GPATCH8: variants seen among roughly 807,000 people sequenced by gnomAD.
The protein encoded by GPATCH8 is G-patch domain containing 8, also known as G patch domain-containing protein 8.
GPATCH8 carries 18 observed loss-of-function variants against 118.3 expected under a neutral mutation model. The observed-to-expected ratio is 0.15, with a 90% CI of 0.11 to 0.23. The LOEUF is 0.23. GPATCH8 is among the 10% of genes least tolerant of loss of function. The probability of loss-of-function intolerance (pLI) is 1.00; values close to 1 mark genes in which losing one functional copy is unlikely to be tolerated. For synonymous variants in GPATCH8, 659 were observed against 684.7 expected (o/e 0.96, Z 0.59); for missense variants, 1,631 against 1,873.8 (o/e 0.87, Z 2.39).
Position 44,503,350 on chromosome 17 carries a change from G to A in GPATCH8, c.21C>T (p.Arg7=), listed in dbSNP as rs1299886640. MADRFS[R]FNEDRDFQGN... is the part of the protein sequence containing the mutation. ...CCTGAAAGTCTCGGTCTTCGTTGAA[G>A]CGGGAGAAGCGGTCCGCCATTTTGC... The change falls in exon 1 of 8, where the codon CGC becomes CGT. Residue 7 remains arginine (R), a synonymous_variant. Coordinates refer to ENST00000591680, the MANE Select transcript of GPATCH8 (RefSeq NM_001002909.4). The A allele has an allele frequency of 6.2e-7, 1 of 1,610,628 alleles. No individual in the cohort carries two copies. Among genetic ancestry groups the A allele is most frequent in the South Asian group, 1.1e-5 (1 of 90,074 alleles).
In GPATCH8 at chr17:44,458,501, T is replaced by A. The variant is rs2051423856; in HGVS notation, c.193+5971A>T. Among the ~76,000 whole-genome samples, 2 of 152,036 alleles carry A rather than the reference T, an allele frequency of 1.3e-5. 1 individual carries two copies. Among genetic ancestry groups the A allele is most frequent in the South Asian group, 4.2e-4 (2 of 4,810 alleles). On this transcript the variant is annotated intron_variant, in intron 3 of 7. Transcript: ENST00000591680. ...TTCCCCAGTCTGTTTGTTGACTTTG[T>A]TTATGATGAAATATAGCCAAACTTA... is the stretch of plus-strand genomic sequence containing the variant.
intron 7 of GPATCH8, among the ~76,000 whole-genome samples, chr17:44,402,148 C>T (rs970357283): frequency 2.0e-5 from 3 of 151,458 alleles, no homozygotes; most frequent in Admixed American, 6.6e-5. Flanking sequence ...GGTGAAACCC[C>T]GCCTCTGCTA....
In GPATCH8 at chr17:44,397,341, G is replaced by T. The variant is rs775123608; in HGVS notation, c.*227C>A. 3.0e-6 allele frequency: 2 copies of T among 676,574 alleles called. No homozygotes were observed. The highest frequency in any genetic ancestry group is 2.7e-6 in the Non-Finnish European group (1 of 369,506). 41.9% of individuals were successfully genotyped at this position (676,574 alleles called of 1,614,324 possible). A position where few individuals can be genotyped will look rare whatever the true frequency, so the allele number is the denominator to read the frequency against. On this transcript the variant is annotated 3_prime_UTR_variant, in exon 8 of 8. Coordinates refer to ENST00000591680, the MANE Select transcript of GPATCH8 (RefSeq NM_001002909.4). ...TGGTGTTCCCTAGCTTAGAAACACA[G>T]AAGAGGGAGGGACAAATTGAGAGGA...
chr17:44,425,590 C>T (rs1019044898), intron 5 of GPATCH8, among the ~76,000 whole-genome samples: 1 of 152,150 alleles, frequency 6.6e-6, no homozygotes, highest in Admixed American at 6.5e-5. Context: ...GAGTACAGTG[C>T]AGTTCATGGC....
intron 6 of GPATCH8, 61 bp downstream of exon 6, chr17:44,424,288 A>G (rs919283214): frequency 1.0e-5 from 12 of 1,204,592 alleles, no homozygotes; most frequent in African/African-American, 4.4e-5. Flanking sequence ...ATACTCATAA[A>G]ATCCAATTGT....
intron 6 of GPATCH8, among the ~76,000 whole-genome samples, chr17:44,423,100 G>A (rs2049972329): frequency 6.6e-6 from 1 of 151,946 alleles, no homozygotes; most frequent in Non-Finnish European, 1.5e-5. Context: ...AATTAGCTGG[G>A]CATGGTGGCA....
At chr17:44,417,748 C>T (rs893906840) in intron 6 of GPATCH8, among the ~76,000 whole-genome samples, 1 of 152,100 alleles carries the variant, frequency 6.6e-6, no homozygotes, top group African/African-American at 2.4e-5. Context: ...TGGCAGGTAA[C>T]ATAATGAGTC....
At chr17:44,429,920 T>C (rs2050242639) in intron 5 of GPATCH8, among the ~76,000 whole-genome samples, 1 of 151,732 alleles carries the variant, frequency 6.6e-6, no homozygotes, top group Non-Finnish European at 1.5e-5. Flanking sequence ...TCCCAGCTAC[T>C]TGGGTGGCTA....
Position 44,401,255 on chromosome 17 carries a change from C to T in GPATCH8, c.822G>A (p.Gln274=). 2 of 1,614,060 alleles carry T rather than the reference C, an allele frequency of 1.2e-6. No individual in the cohort carries two copies. The highest frequency in any genetic ancestry group is 1.1e-5 in the South Asian group (1 of 91,078). The part of the protein sequence containing the change: ...VQITNTTGLA[Q]APGLASQGIS... Reference sequence around the variant, plus strand: ...TGCCTTGGGAGGCTAACCCAGGAGCCTGGGCCAGTCCAGTGGTATTAGTGA... The same window carrying T: ...TGCCTTGGGAGGCTAACCCAGGAGCTTGGGCCAGTCCAGTGGTATTAGTGA... The change falls in exon 8 of 8, where the codon CAG becomes CAA. Residue 274 remains glutamine, a synonymous_variant. Transcript: ENST00000591680.
intron 6 of GPATCH8, among the ~76,000 whole-genome samples, chr17:44,417,247 A>G (rs887920147): frequency 6.6e-6 from 1 of 152,176 alleles, no homozygotes; most frequent in African/African-American, 2.4e-5. Context: ...AAGCAGATGC[A>G]AACAGTTTAG....
chr17:44,419,087 A>G (rs1209875812), intron 6 of GPATCH8, among the ~76,000 whole-genome samples: 1 of 152,234 alleles, frequency 6.6e-6, no homozygotes, highest in Non-Finnish European at 1.5e-5. Flanking sequence ...ACCTTGAATG[A>G]GGGTGACCAT....
In GPATCH8 at chr17:44,397,850, G is replaced by A. The variant is rs145202285; in HGVS notation, c.4227C>T (p.Pro1409=). 42 of 1,604,656 alleles carry A rather than the reference G, an allele frequency of 2.6e-5. No individual in the cohort carries two copies. Among genetic ancestry groups the A allele is most frequent in the Non-Finnish European group, 3.5e-5 (41 of 1,173,392 alleles). The change falls in exon 8 of 8, where the codon CCC becomes CCT. Residue 1409 remains proline (P), a synonymous_variant. Transcript: ENST00000591680. The stretch of plus-strand genomic sequence containing the variant: ...AAGAAATGGGGGTCAGATGGGGCTG[G>A]GGAATATGATGCACCTGGGCAAGTG... ...PQPLAQVHHI[P]QPHLTPISLS... is the part of the protein sequence containing the mutation.
chr17:44,472,028 C>T (rs978305883), intron 2 of GPATCH8, among the ~76,000 whole-genome samples: 11 of 150,664 alleles, frequency 7.3e-5, no homozygotes, highest in Admixed American at 4.0e-4. Flanking sequence ...TCTCCCAGAT[C>T]CTGTGCCCTA....
rs1441908666 is a variant in GPATCH8 at position 44,488,008 on chromosome 17, C to T, written c.46-13105G>A. ...CGCGATCTCAGCTCACTGCAACCTC[C>T]GCCTCCTGGGTTCAAGCGATTCTCC... On this transcript the variant is annotated intron_variant, in intron 1 of 7. Coordinates refer to ENST00000591680, the MANE Select transcript of GPATCH8 (RefSeq NM_001002909.4). 6.4e-5 allele frequency among the ~76,000 whole-genome samples: 8 copies of T among 124,310 alleles called. No individual in the cohort carries two copies. The South Asian group carries it at 1.0e-3, about 16-fold the overall frequency. 81.6% of individuals were successfully genotyped at this position (124,310 alleles called of 152,430 possible).
At chr17:44,421,034 T>C (rs545221800) in intron 6 of GPATCH8, among the ~76,000 whole-genome samples, 9 of 152,148 alleles carry the variant, frequency 5.9e-5, no homozygotes, top group Non-Finnish European at 1.3e-4. Context: ...TTATTTTTAG[T>C]AGAGACGGGG....
intron 3 of GPATCH8, among the ~76,000 whole-genome samples, chr17:44,442,122 TAGAGAGAGAG>T (rs1369615165): frequency 7.8e-6 from 1 of 128,994 alleles, no homozygotes; most frequent in African/African-American, 3.0e-5. Context: ...TATATATATA[TAGAGAGAGAG>T]AGAGAGAGAG....
intron 6 of GPATCH8, among the ~76,000 whole-genome samples, chr17:44,415,277 G>C (rs2049633435): frequency 6.6e-6 from 1 of 152,058 alleles, no homozygotes. Context: ...TAAATTTTGT[G>C]GTTTTGTAGA....
intron 2 of GPATCH8, among the ~76,000 whole-genome samples, chr17:44,472,673 C>T (rs1384834335): frequency 6.6e-6 from 1 of 151,904 alleles, no homozygotes; most frequent in African/African-American, 2.4e-5. Flanking sequence ...CTTAGACCCT[C>T]CTGGTTTTTT....
At chr17:44,409,606 G>A (rs2049359054) in intron 6 of GPATCH8, among the ~76,000 whole-genome samples, 1 of 152,124 alleles carries the variant, frequency 6.6e-6, no homozygotes, top group African/African-American at 2.4e-5. Flanking sequence ...GTAAAGCATC[G>A]GAGTCAGAAA....
Sources: allele counts gnomAD v4.1 joint callset (sites outside exome capture counted in the v4.1 genomes callset), GRCh38; gene constraint gnomAD v4.1.1; transcripts MANE v1.5; gene names NCBI Gene and HGNC (gene_info 2026-07-23, HGNC 2026-07-21).